Variants in SRRT observed in about 807,000 individuals in gnomAD.
SRRT encodes the protein serrate RNA effector molecule homolog.
Under a neutral mutation model 103.2 loss-of-function variants are expected in SRRT, and 32 were observed. That is an observed-to-expected ratio of 0.31 (90% CI 0.23 to 0.42). The LOEUF is 0.42. Among genes scored for constraint, SRRT ranks in the 10% least tolerant of loss-of-function variants. The probability of loss-of-function intolerance (pLI) is 1.00; values close to 1 mark genes in which losing one functional copy is unlikely to be tolerated. For missense variants in SRRT, 986 were observed against 1,207.5 expected (o/e 0.82, Z 2.72); for synonymous variants, 525 against 449.0 (o/e 1.17, Z -2.14).
In SRRT at chr7:100,888,377, G is replaced by C. The variant is rs766065934; in HGVS notation, c.2549G>C (p.Arg850Pro). The part of the protein sequence containing the change: ...RGQGGYPGKP[R>P]NRMVRGDPRA... ...CAGGGAGGTTATCCTGGGAAACCTC[G>C]CAACAGGTGAGGAGGGCAGACGCCC... The change falls in exon 19 of 20, where the codon CGC becomes CCC. Residue 850 changes from arginine to proline, a missense_variant. Physicochemically the swap from Arg to Pro is moderately radical, Grantham distance 103. This residue lies in a region of SRRT where 178 missense variants were observed against 189.6 expected (regional missense o/e 0.94). Coordinates refer to ENST00000611405, the MANE Select transcript of SRRT (RefSeq NM_015908.6). The C allele has an allele frequency of 6.8e-6, 11 of 1,613,790 alleles. No individual in the cohort carries two copies. The highest frequency in any genetic ancestry group is 1.3e-5 in the African/African-American group (1 of 75,008).
In SRRT at chr7:100,882,342, ACTTT is replaced by A. The variant is rs1789653272; in HGVS notation, c.587+104_587+107del. On this transcript the variant is annotated intron_variant, in intron 5 of 19. Transcript: ENST00000611405. The surrounding 1 kb of genome is among the most constrained non-coding windows in gnomAD (Gnocchi z 4.2). Reference sequence around the variant, plus strand: ...CTCTTCCCAGTTTTCCCTGTCCAGAACTTTCTGGGGGCGGGGGTCGGGAAGTATG... The same window carrying A: ...CTCTTCCCAGTTTTCCCTGTCCAGAACTGGGGGCGGGGGTCGGGAAGTATG... The A allele has an allele frequency of 5.1e-6, 7 of 1,362,206 alleles. No individual in the cohort carries two copies. The highest frequency in any genetic ancestry group is 7.0e-6 in the Non-Finnish European group (7 of 1,000,302). The allele number at this position is 1,362,206 out of a possible 1,614,324, so 84.4% of individuals were successfully genotyped here. A position where few individuals can be genotyped will look rare whatever the true frequency, so the allele number is the denominator to read the frequency against.
At chr7:100,878,997 C>T (rs145429410) in intron 2 of SRRT, among the ~76,000 whole-genome samples, 120 of 151,358 alleles carry the variant, frequency 7.9e-4, no homozygotes, top group African/African-American at 2.8e-3. Context: ...TCACTCTGCC[C>T]AGGCTGGAGT....
At position 100,885,262 on chromosome 7, in the gene SRRT, G is replaced by A. The variant is rs753417147; in HGVS notation, c.1209G>A (p.Lys403=). 2 of 1,614,176 alleles carry A rather than the reference G, an allele frequency of 1.2e-6. No homozygotes were observed. Among genetic ancestry groups the A allele is most frequent in the East Asian group, 2.2e-5 (1 of 44,878 alleles). Residue 403 remains lysine (K), a synonymous_variant, in exon 10 of 20, where the codon AAG becomes AAA. Transcript: ENST00000611405. This position sits in a 1 kb window ranked among gnomAD's most constrained non-coding sequence, Gnocchi z 4.8. ...KEKPKEEEWE[K]PKDAAGLECK... ...AGCCCAAGGAAGAAGAATGGGAGAAGCCCAAGGACGCCGCGGGGCTGGAGT... is the reference window on the plus strand; with the variant it reads ...AGCCCAAGGAAGAAGAATGGGAGAAACCCAAGGACGCCGCGGGGCTGGAGT...
At chr7:100,878,890 T>TTTTCTTTTCTTTTCC (rs374723608) in intron 2 of SRRT, among the ~76,000 whole-genome samples, 25 of 151,690 alleles carry the variant, frequency 1.6e-4, no homozygotes, top group African/African-American at 5.5e-4. Flanking sequence ...CCTTCCTTCC[T>TTTTCTTTTCTTTTCC]TTTCTTTTCT....
Position 100,888,321 on chromosome 7 carries a change from T to C in SRRT, c.2493T>C (p.Ala831=). Residue 831 remains alanine, a synonymous_variant, in exon 19 of 20, where the codon GCT becomes GCC. Coordinates refer to ENST00000611405, the MANE Select transcript of SRRT (RefSeq NM_015908.6). ...CATACCCCCATGCCCCGTATGGTGC[T>C]GGTCGAGGGAACTATGATGCCTTCC... ...GPPYPHAPYG[A]GRGNYDAFRG... is the part of the protein sequence containing the mutation. 4.3e-6 allele frequency: 7 copies of C among 1,614,156 alleles called. No homozygotes were observed. The highest frequency in any genetic ancestry group is 5.9e-6 in the Non-Finnish European group (7 of 1,180,002).
chr7:100,877,126 T>TA (rs113003080), intron 2 of SRRT, among the ~76,000 whole-genome samples: 244 of 143,178 alleles, frequency 1.7e-3, no homozygotes, highest in African/African-American at 4.1e-3. Context: ...AGCAAAGAGT[T>TA]AAAAAAAAAA....
rs1382224273 is a variant in SRRT, at chr7:100,881,136, G to C, written c.123-149G>C. On this transcript the variant is annotated intron_variant, in intron 2 of 19. Coordinates refer to ENST00000611405, the MANE Select transcript of SRRT (RefSeq NM_015908.6). ...ATAAAAAATTTTTTGTAGGGATGGC[G>C]GGGGGCGGGGGGGGGTCTCACTATT... The C allele has an allele frequency of 2.5e-5, 19 of 749,014 alleles. No homozygotes were observed. In the South Asian group the frequency reaches 3.6e-4, roughly 14 times the overall value. 46.4% of individuals were successfully genotyped at this position (749,014 alleles called of 1,614,324 possible). A position where few individuals can be genotyped will look rare whatever the true frequency, so the allele number is the denominator to read the frequency against.
chr7:100,888,423 G>C, intron 19 of SRRT, 40 bp downstream of exon 19: 1 of 1,612,800 alleles, frequency 6.2e-7, no homozygotes, highest in African/African-American at 1.3e-5. Flanking sequence ...GCCGCCTGCA[G>C]ACTCCCTTTT....
rs1407632014 is a variant in SRRT at position 100,886,378 on chromosome 7, G to A, written c.1590G>A (p.Thr530=). Residue 530 remains threonine (T), a synonymous_variant, in exon 13 of 20, where the codon ACG becomes ACA. Coordinates refer to ENST00000611405, the MANE Select transcript of SRRT (RefSeq NM_015908.6). ...AGCTGGCGGCCAAGCTGATCCACAC[G>A]CTGGATGACAGGACACAGCTTTGGG... ...DIKLAAKLIH[T]LDDRTQLWAS... 3 of 1,613,744 alleles carry A rather than the reference G, an allele frequency of 1.9e-6. No homozygotes were observed. Among genetic ancestry groups the A allele is most frequent in the East Asian group, 4.5e-5 (2 of 44,872 alleles).
Position 100,887,642 on chromosome 7 carries a change from G to C in SRRT, c.2170-61G>C. 5 of 1,580,542 alleles carry C rather than the reference G, an allele frequency of 3.2e-6. No homozygotes were observed. The African/African-American group carries it at 4.0e-5, about 13-fold the overall frequency. On this transcript the variant is annotated intron_variant, in intron 16 of 19. Transcript: ENST00000611405. The surrounding 1 kb of genome is among the most constrained non-coding windows in gnomAD (Gnocchi z 4.1). ...CGGGAGCTGGGAATCCTTCCAGCTCGGGCCTGGGAGCGAGGCAACCCTTAT... is the reference window on the plus strand; with the variant it reads ...CGGGAGCTGGGAATCCTTCCAGCTCCGGCCTGGGAGCGAGGCAACCCTTAT...
In SRRT at chr7:100,882,355, G is replaced by T; in HGVS notation, c.587+114G>T. ...TCCCTGTCCAGAACTTTCTGGGGGCGGGGGTCGGGAAGTATGACAGCATTG... is the reference window on the plus strand; with the variant it reads ...TCCCTGTCCAGAACTTTCTGGGGGCTGGGGTCGGGAAGTATGACAGCATTG... On this transcript the variant is annotated intron_variant, in intron 5 of 19. Coordinates refer to ENST00000611405, the MANE Select transcript of SRRT (RefSeq NM_015908.6). The surrounding 1 kb of genome is among the most constrained non-coding windows in gnomAD (Gnocchi z 4.2). 8.0e-7 allele frequency: 1 copy of T among 1,245,610 alleles called. No homozygotes were observed. Among genetic ancestry groups the T allele is most frequent in the Non-Finnish European group, 1.1e-6 (1 of 903,986 alleles). 77.2% of individuals were successfully genotyped at this position (1,245,610 alleles called of 1,614,324 possible).
intron 3 of SRRT, 99 bp downstream of exon 3, chr7:100,881,512 T>C: frequency 6.4e-7 from 1 of 1,562,076 alleles, no homozygotes; most frequent in Non-Finnish European, 8.7e-7. Context: ...TCATTTCCTT[T>C]TCTCAACTTC....
chr7:100,877,028 G>A (rs1309042465), intron 2 of SRRT, among the ~76,000 whole-genome samples: 1 of 151,958 alleles, frequency 6.6e-6, no homozygotes. Context: ...TTGTGGTAAT[G>A]TTTACATATT....
chr7:100,886,627 G>C, intron 13 of SRRT, 168 bp from the exon 14 acceptor site: 1 of 986,668 alleles, frequency 1.0e-6, no homozygotes, highest in South Asian at 1.6e-5. Flanking sequence ...ATCATTTGTG[G>C]CTGGGGTGGA....
chr7:100,886,525 C>A (rs1790118579), intron 13 of SRRT, 90 bp downstream of exon 13: 27 of 1,350,056 alleles, frequency 2.0e-5, no homozygotes, highest in Non-Finnish European at 2.4e-5. Flanking sequence ...TAGCCTTGAA[C>A]CCTTGCACCC....
intron 2 of SRRT, among the ~76,000 whole-genome samples, chr7:100,877,293 C>T (rs147081451): frequency 1.5e-3 from 229 of 150,826 alleles, no homozygotes; most frequent in Non-Finnish European, 2.4e-3. Context: ...TGGTGGTGCG[C>T]GCCTGTAGTC....
At chr7:100,884,265 G>C in intron 6 of SRRT, 26 bp downstream of exon 6, 1 of 1,613,998 alleles carries the variant, frequency 6.2e-7, no homozygotes, top group South Asian at 1.1e-5. Context: ...GGGGTGGCAG[G>C]CATCTGGGCC....
In SRRT at chr7:100,880,416, C is replaced by G. The variant is rs373205025; in HGVS notation, c.123-869C>G. Among the ~76,000 whole-genome samples the G allele has an allele frequency of 1.1e-4, 17 of 152,332 alleles. 1 individual carries two copies. The highest frequency in any genetic ancestry group is 3.6e-4 in the African/African-American group (15 of 41,574). ...CTCCCGGGTCCACGCCATTCTCCTG[C>G]CTCAGCCTCCCGAGTAGCTGGGACT... On this transcript the variant is annotated intron_variant, in intron 2 of 19. Transcript: ENST00000611405.
chr7:100,880,732 C>CTGGTGCAGTCGAAGCT, intron 2 of SRRT: 2 of 432,770 alleles, frequency 4.6e-6, no homozygotes, highest in South Asian at 3.2e-5. Flanking sequence ...GCTGAGTGCA[C>CTGGTGCAGTCGAAGCT]TGGTGCAGTC....
Sources: allele counts gnomAD v4.1 joint callset (sites outside exome capture counted in the v4.1 genomes callset), GRCh38; gene constraint gnomAD v4.1.1; regional missense constraint gnomAD v4.1.1; non-coding constraint Gnocchi (gnomAD v3.1); transcripts MANE v1.5; gene names NCBI Gene and HGNC (gene_info 2026-07-23, HGNC 2026-07-21).